The following PAX5 variants were observed in gnomAD, a reference collection of about 807,000 sequenced individuals.
The protein encoded by PAX5 is paired box protein Pax-5.
A neutral mutation model predicts 43.7 loss-of-function variants in PAX5; 9 were observed. That is an observed-to-expected ratio of 0.21 (90% CI 0.12 to 0.36). The LOEUF (loss-of-function observed/expected upper bound fraction) is 0.36, where lower values mean the gene tolerates loss of function less well. PAX5 is among the 10% of genes least tolerant of loss of function. The pLI, the probability that PAX5 is intolerant of heterozygous loss-of-function variation, is 1.00. For missense variants in PAX5, 383 were observed against 532.7 expected, an observed-to-expected ratio of 0.72 and a Z score of 2.77; for synonymous variants, 228 against 214.3, an observed-to-expected ratio of 1.06 and a Z score of -0.56.
intron 8 of PAX5, among the ~76,000 whole-genome samples, chr9:36,871,159 G>A (rs191387862): frequency 2.0e-5 from 3 of 152,346 alleles, no homozygotes; most frequent in East Asian, 1.9e-4. Context: ...CAGGCCTGGC[G>A]TCAGGCTGCT....
At position 36,838,080 on chromosome 9, in the gene PAX5, C is replaced by A. The variant is rs1029892122; in HGVS notation, c.*2480G>T. The A allele has an allele frequency of 8.6e-6, 2 of 233,328 alleles. No individual in the cohort carries two copies. Among genetic ancestry groups the A allele is most frequent in the Non-Finnish European group, 8.5e-6 (1 of 118,066 alleles). The allele number at this position is 233,328 out of a possible 1,614,324, so 14.5% of individuals were successfully genotyped here. On this transcript the variant is annotated 3_prime_UTR_variant, in exon 10 of 10. Coordinates refer to ENST00000358127, the MANE Select transcript of PAX5 (RefSeq NM_016734.3). ...AGGGAGAGAGATGCCAGGTAACATACCTTCTCCTACCTTACCTGACAGGTG... is the reference window on the plus strand; with the variant it reads ...AGGGAGAGAGATGCCAGGTAACATAACTTCTCCTACCTTACCTGACAGGTG...
intron 7 of PAX5, among the ~76,000 whole-genome samples, chr9:36,904,055 T>C (rs1279038199): frequency 6.6e-6 from 1 of 152,238 alleles, no homozygotes; most frequent in Non-Finnish European, 1.5e-5. Flanking sequence ...TGTGCCTCAG[T>C]TACTGCACCA....
At chr9:36,867,232 T>C (rs907950213) in intron 8 of PAX5, among the ~76,000 whole-genome samples, 1 of 152,034 alleles carries the variant, frequency 6.6e-6, no homozygotes, top group Non-Finnish European at 1.5e-5. Flanking sequence ...CAGTGCAAAG[T>C]TGTAGGGGCT....
Position 37,000,753 on chromosome 9 carries a change from A to T in PAX5, c.604+1895T>A, listed in dbSNP as rs191163911. Among the ~76,000 whole-genome samples the T allele has an allele frequency of 2.6e-3, 402 of 152,288 alleles. 1 individual carries two copies. Among genetic ancestry groups the T allele is most frequent in the Non-Finnish European group, 4.2e-3 (288 of 68,030 alleles). Reference sequence around the variant, plus strand: ...CTCCCGAGGCATCTCCTTTTATCCTAGGCCACTCTCATATGTGCAACTTGG... The same window carrying T: ...CTCCCGAGGCATCTCCTTTTATCCTTGGCCACTCTCATATGTGCAACTTGG... On this transcript the variant is annotated intron_variant, in intron 5 of 9. Coordinates refer to ENST00000358127, the MANE Select transcript of PAX5 (RefSeq NM_016734.3).
chr9:36,853,785 G>A (rs1010709119), intron 8 of PAX5, among the ~76,000 whole-genome samples: 3 of 152,250 alleles, frequency 2.0e-5, no homozygotes, highest in Non-Finnish European at 4.4e-5. Flanking sequence ...AGATCCCAGA[G>A]GCAGAAACAT....
intron 5 of PAX5, among the ~76,000 whole-genome samples, chr9:36,982,735 C>T (rs375990792): frequency 2.0e-5 from 3 of 152,176 alleles, no homozygotes; most frequent in Admixed American, 6.5e-5. Context: ...AGCGGGGTCA[C>T]GTAGCTTTCA....
intron 5 of PAX5, among the ~76,000 whole-genome samples, chr9:36,982,723 G>A (rs560556482): frequency 6.6e-6 from 1 of 152,316 alleles, no homozygotes; most frequent in Admixed American, 6.5e-5. Context: ...TAGCACCCAT[G>A]GAGCGGGGTC....
intron 1 of PAX5, among the ~76,000 whole-genome samples, chr9:37,031,091 G>A (rs756492859): frequency 6.6e-6 from 1 of 152,288 alleles, no homozygotes; most frequent in African/African-American, 2.4e-5. Context: ...TGGATCAGGA[G>A]TCTGCTCTAC....
intron 4 of PAX5, 188 bp from the exon 5 acceptor site, chr9:37,002,964 G>C: frequency 1.6e-6 from 1 of 621,962 alleles, no homozygotes; most frequent in Non-Finnish European, 2.7e-6. Flanking sequence ...CGGGCCGTGT[G>C]CCCCAGTTCT....
intron 7 of PAX5, among the ~76,000 whole-genome samples, chr9:36,889,947 G>T (rs139915095): frequency 2.1e-5 from 3 of 144,230 alleles, no homozygotes; most frequent in Admixed American, 6.9e-5. Flanking sequence ...CTAACGGGGG[G>T]GGGGGGAATG....
At position 36,996,625 on chromosome 9, in the gene PAX5, A is replaced by G. The variant is rs191566983; in HGVS notation, c.604+6023T>C. On this transcript the variant is annotated intron_variant, in intron 5 of 9. Transcript: ENST00000358127. ...CCTCATCCCGGGAGCAGCAGACAGC[A>G]TCTATGCATCCAGGGAAGGAAAAGG... Among the ~76,000 whole-genome samples the G allele has an allele frequency of 6.3e-3, 958 of 152,330 alleles. 10 individuals are homozygous for G. Among genetic ancestry groups the G allele is most frequent in the African/African-American group, 0.022 (911 of 41,580 alleles).
intron 5 of PAX5, among the ~76,000 whole-genome samples, chr9:36,999,109 C>T (rs1412985679): frequency 1.3e-5 from 2 of 152,158 alleles, no homozygotes; most frequent in African/African-American, 4.8e-5. Context: ...AACTATCTCC[C>T]TAAATGCTTC....
chr9:37,001,827 T>TTC (rs573584830), intron 5 of PAX5, among the ~76,000 whole-genome samples: 28,067 of 132,932 alleles, frequency 0.21, 2,705 homozygotes, highest in Admixed American at 0.29. Context: ...TTTTTTTTTT[T>TTC]TTTTTTTCTT....
intron 5 of PAX5, among the ~76,000 whole-genome samples, chr9:36,989,731 G>A (rs2132321044): frequency 6.6e-6 from 1 of 152,296 alleles, no homozygotes; most frequent in East Asian, 1.9e-4. Flanking sequence ...GGTCAGGCAG[G>A]ACTTGGGGAA....
chr9:36,837,075 C>T lies in PAX5; in HGVS notation c.*3485G>A. The T allele has an allele frequency of 4.3e-6, 1 of 232,346 alleles. No homozygotes were observed. Among genetic ancestry groups the T allele is most frequent in the African/African-American group, 2.2e-5 (1 of 45,286 alleles). 14.4% of individuals were successfully genotyped at this position (232,346 alleles called of 1,614,324 possible). ...TGTTCTTTCTTGCCTGATTGTGGGT[C>T]TGGGGGATTTCTAGGGAATGGGGGT... On this transcript the variant is annotated 3_prime_UTR_variant, in exon 10 of 10. Transcript: ENST00000358127.
intron 9 of PAX5, 128 bp from the exon 10 acceptor site, chr9:36,840,764 C>A: frequency 1.6e-6 from 1 of 618,822 alleles, no homozygotes. Flanking sequence ...GATCTCTGTC[C>A]CAGTCTGTTC....
In PAX5 at chr9:36,973,039, G is replaced by GA. The variant is rs753907004; in HGVS notation, c.605-6316dup. On this transcript the variant is annotated intron_variant, in intron 5 of 9. Transcript: ENST00000358127. ...CGAGATTCAGTCTCAAAAAAAAAAA[G>GA]AAGAAAGAAAGAAAGAAAAGGAAAG... 2.1e-4 allele frequency among the ~76,000 whole-genome samples: 25 copies of GA among 117,914 alleles called. No individual in the cohort carries two copies. In the South Asian group the frequency reaches 4.9e-3, roughly 23 times the overall value. The allele number at this position is 117,914 out of a possible 152,430, so 77.4% of individuals were successfully genotyped here.
chr9:36,958,452 G>T (rs927032330), intron 6 of PAX5, among the ~76,000 whole-genome samples: 1 of 151,936 alleles, frequency 6.6e-6, no homozygotes, highest in Non-Finnish European at 1.5e-5. Context: ...GGCCTGGCTG[G>T]AGACTTGGAG....
At chr9:36,951,930 T>A (rs78706776) in intron 6 of PAX5, among the ~76,000 whole-genome samples, 1 of 152,206 alleles carries the variant, frequency 6.6e-6, no homozygotes, top group Admixed American at 6.5e-5. Context: ...TTTATCAATA[T>A]ATCTATCTTC....
Sources: allele counts gnomAD v4.1 joint callset (sites outside exome capture counted in the v4.1 genomes callset), GRCh38; gene constraint gnomAD v4.1.1; transcripts MANE v1.5; gene names NCBI Gene and HGNC (gene_info 2026-07-23, HGNC 2026-07-21).